The following ATXN1 variants were observed in gnomAD, a reference collection of about 807,000 sequenced individuals.
ATXN1 encodes ataxin 1, also known as ataxin-1.
A neutral mutation model predicts 56.4 loss-of-function variants in ATXN1; 8 were observed. The ratio of observed to expected loss-of-function variants is 0.14; its 90% CI spans 0.08 to 0.26. ATXN1 has a LOEUF of 0.26. Ranked by LOEUF, ATXN1 falls within the 10% of genes least tolerant of loss-of-function variation. ATXN1 has a pLI of 1.00. For synonymous variants in ATXN1, 514 were observed against 494.6 expected (o/e 1.04, Z -0.52); for missense variants, 987 against 1,106.5 (o/e 0.89, Z 1.53).
intron 4 of ATXN1, among the ~76,000 whole-genome samples, chr6:16,556,302 G>A (rs141728458): frequency 9.2e-5 from 14 of 152,176 alleles, no homozygotes; most frequent in African/African-American, 3.1e-4. Flanking sequence ...CTTTTATCTC[G>A]TTTCTTCCAT....
intron 6 of ATXN1, among the ~76,000 whole-genome samples, chr6:16,426,341 G>A (rs907116022): frequency 6.6e-6 from 1 of 152,082 alleles, no homozygotes; most frequent in African/African-American, 2.4e-5. Context: ...AGGCAAATGA[G>A]AATGAGAAAT....
chr6:16,687,843 T>C (rs769855488), intron 2 of ATXN1, among the ~76,000 whole-genome samples: 4 of 152,188 alleles, frequency 2.6e-5, no homozygotes, highest in African/African-American at 4.8e-5. Flanking sequence ...TCACCAAAGC[T>C]GTATAAAATC....
At chr6:16,591,816 G>A (rs1338492456) in intron 3 of ATXN1, among the ~76,000 whole-genome samples, 1 of 151,762 alleles carries the variant, frequency 6.6e-6, no homozygotes, top group African/African-American at 2.4e-5. Context: ...TGACTATGGT[G>A]AAAAGGCCAC....
intron 1 of ATXN1, chr6:16,754,204 A>G (rs371617437): frequency 4.6e-5 from 7 of 152,322 alleles, no homozygotes; most frequent in Middle Eastern, 3.4e-3. Context: ...TCCACATTAA[A>G]CAGAAAAAAA....
chr6:16,530,657 G>A (rs959953002), intron 4 of ATXN1, among the ~76,000 whole-genome samples: 2 of 152,154 alleles, frequency 1.3e-5, no homozygotes, highest in Non-Finnish European at 2.9e-5. Context: ...TGGTTACTAG[G>A]CTTAGTACCT....
chr6:16,656,428 G>C (rs979634089), intron 3 of ATXN1, among the ~76,000 whole-genome samples: 1 of 152,180 alleles, frequency 6.6e-6, no homozygotes, highest in Admixed American at 6.5e-5. Context: ...AGGTGACCAA[G>C]ATAGGTGGGG....
intron 6 of ATXN1, among the ~76,000 whole-genome samples, chr6:16,358,790 G>A (rs179978): frequency 0.29 from 43,645 of 152,184 alleles, 7,860 homozygotes; most frequent in Non-Finnish European, 0.4. Flanking sequence ...CTGTAGATCC[G>A]AGTCTCCCTG....
rs868445076 is a variant in ATXN1, at chr6:16,439,288, A to C, written c.-161+46684T>G. On this transcript the variant is annotated intron_variant, in intron 6 of 7. Coordinates refer to ENST00000436367, the MANE Select transcript of ATXN1 (RefSeq NM_001128164.2). ...ATGTCAATGGCAATTTGGCAACTAC[A>C]TTTGTAAAGTTATAACAAGCCAATT... is the stretch of plus-strand genomic sequence containing the variant. Among the ~76,000 whole-genome samples, 12 of 143,906 alleles carry C rather than the reference A, an allele frequency of 8.3e-5. No homozygotes were observed. The South Asian group carries it at 1.6e-3, about 20-fold the overall frequency. The allele number at this position is 143,906 out of a possible 152,430, so 94.4% of individuals were successfully genotyped here. A position where few individuals can be genotyped will look rare whatever the true frequency, so the allele number is the denominator to read the frequency against.
At chr6:16,527,538 G>A (rs959303569) in intron 4 of ATXN1, among the ~76,000 whole-genome samples, 2 of 152,172 alleles carry the variant, frequency 1.3e-5, no homozygotes, top group Admixed American at 1.3e-4. Flanking sequence ...GTGAAACCAA[G>A]GTCCATAACC....
At chr6:16,722,928 T>G (rs932819082) in intron 2 of ATXN1, among the ~76,000 whole-genome samples, 2 of 152,158 alleles carry the variant, frequency 1.3e-5, no homozygotes, top group African/African-American at 2.4e-5. Context: ...ACACACACTC[T>G]CTCTCACACA....
At chr6:16,699,160 C>T (rs920586740) in intron 2 of ATXN1, among the ~76,000 whole-genome samples, 27 of 152,114 alleles carry the variant, frequency 1.8e-4, no homozygotes, top group African/African-American at 5.1e-4. Flanking sequence ...AGTAGCTCCA[C>T]GGCAGAAAGA....
At position 16,392,540 on chromosome 6, in the gene ATXN1, G is replaced by A. The variant is rs560607321; in HGVS notation, c.-160-64070C>T. ...AGATGGAGTTTTGCTCTATAGCCCAGGTTGGAGTGAAGCGGTGTAATCTTG... is the reference window on the plus strand; with the variant it reads ...AGATGGAGTTTTGCTCTATAGCCCAAGTTGGAGTGAAGCGGTGTAATCTTG... On this transcript the variant is annotated intron_variant, in intron 6 of 7. Coordinates refer to ENST00000436367, the MANE Select transcript of ATXN1 (RefSeq NM_001128164.2). 4.4e-4 allele frequency among the ~76,000 whole-genome samples: 67 copies of A among 151,948 alleles called. 1 individual carries two copies. The South Asian group carries it at 7.3e-3, about 17-fold the overall frequency.
chr6:16,396,273 T>C (rs958169926), intron 6 of ATXN1, among the ~76,000 whole-genome samples: 8 of 140,718 alleles, frequency 5.7e-5, no homozygotes, highest in African/African-American at 2.6e-4. Flanking sequence ...AAAAAAAAAC[T>C]TTTTTTAATA....
At chr6:16,391,262 A>T (rs6459468) in intron 6 of ATXN1, among the ~76,000 whole-genome samples, 28,816 of 144,262 alleles carry the variant, frequency 0.2, 4,084 homozygotes, top group East Asian at 0.57. Flanking sequence ...ATTTTTTTTT[A>T]AAAAAAAGAA....
chr6:16,334,900 A>C (rs1324716624), intron 6 of ATXN1, among the ~76,000 whole-genome samples: 2 of 152,200 alleles, frequency 1.3e-5, no homozygotes, highest in African/African-American at 4.8e-5. Context: ...AGCTGAGACA[A>C]CTGGGAATGA....
At chr6:16,519,295 T>C (rs898633798) in intron 5 of ATXN1, among the ~76,000 whole-genome samples, 1 of 152,194 alleles carries the variant, frequency 6.6e-6, no homozygotes, top group African/African-American at 2.4e-5. Context: ...TTTTTAAAAA[T>C]GCTTCAGGAG....
intron 6 of ATXN1, among the ~76,000 whole-genome samples, chr6:16,396,862 A>G (rs956807702): frequency 6.6e-6 from 1 of 152,252 alleles, no homozygotes; most frequent in Non-Finnish European, 1.5e-5. Context: ...ACATTGTGTT[A>G]CAAGTGCCTA....
chr6:16,323,335 A>G (rs1477757532), intron 7 of ATXN1, among the ~76,000 whole-genome samples: 2 of 152,084 alleles, frequency 1.3e-5, no homozygotes, highest in Admixed American at 1.3e-4. Context: ...CCTGGCCAAC[A>G]TGGTGAAACC....
intron 3 of ATXN1, among the ~76,000 whole-genome samples, chr6:16,611,582 G>A (rs1763106605): frequency 6.6e-6 from 1 of 152,156 alleles, no homozygotes; most frequent in Non-Finnish European, 1.5e-5. Context: ...AGAAGATTGG[G>A]GCAAAGGAAT....
Sources: allele counts gnomAD v4.1 joint callset (sites outside exome capture counted in the v4.1 genomes callset), GRCh38; gene constraint gnomAD v4.1.1; transcripts MANE v1.5; gene names NCBI Gene and HGNC (gene_info 2026-07-23, HGNC 2026-07-21).